Variants in MPPED1 observed in about 807,000 individuals in gnomAD.
The protein encoded by MPPED1 is metallophosphoesterase domain-containing protein 1.
A neutral mutation model predicts 36.2 loss-of-function variants in MPPED1; 16 were observed. The ratio of observed to expected loss-of-function variants is 0.44; its 90% CI spans 0.30 to 0.67. The LOEUF (loss-of-function observed/expected upper bound fraction) is 0.67, where lower values mean the gene tolerates loss of function less well. Among genes scored for constraint, MPPED1 ranks in the 30% least tolerant of loss-of-function variants. The probability of loss-of-function intolerance (pLI) is 0.10; values close to 1 mark genes in which losing one functional copy is unlikely to be tolerated. For synonymous variants in MPPED1, 199 were observed against 191.3 expected (o/e 1.04, Z -0.33); for missense variants, 307 against 453.4 (o/e 0.68, Z 2.93).
intron 1 of MPPED1, chr22:43,416,854 G>C: frequency 3.7e-6 from 1 of 269,364 alleles, no homozygotes; most frequent in Non-Finnish European, 5.7e-6. Flanking sequence ...ATATTTCTCT[G>C]CCCGAGCTTT....
rs186055763 is a variant in MPPED1, at chr22:43,489,223, C to T, written c.633-9012C>T. Among the ~76,000 whole-genome samples, 10 of 152,240 alleles carry T rather than the reference C, an allele frequency of 6.6e-5. No individual in the cohort carries two copies. In the East Asian group the frequency reaches 1.2e-3, roughly 18 times the overall value. On this transcript the variant is annotated intron_variant, in intron 4 of 6. Transcript: ENST00000443721. The stretch of plus-strand genomic sequence containing the variant: ...ATGTGGGGAGGACCTCTTCGCACTT[C>T]GCCTCCAGGAGGGGCTGCTTCTTTT...
chr22:43,477,158 G>T (rs556031419), intron 4 of MPPED1, among the ~76,000 whole-genome samples: 1 of 152,322 alleles, frequency 6.6e-6, no homozygotes, highest in East Asian at 1.9e-4. Flanking sequence ...GGCAGAGGAG[G>T]CAGAGGGAGA....
At chr22:43,431,388 A>G (rs994508215) in intron 2 of MPPED1, among the ~76,000 whole-genome samples, 1 of 151,918 alleles carries the variant, frequency 6.6e-6, no homozygotes, top group Non-Finnish European at 1.5e-5. Context: ...TTCACTTGCA[A>G]ACATAGTCAG....
chr22:43,498,437 G>A, intron 5 of MPPED1, 87 bp downstream of exon 5: 1 of 1,060,414 alleles, frequency 9.4e-7, no homozygotes, highest in Non-Finnish European at 1.4e-6. Context: ...GGCCTGTATA[G>A]GGGAGCCCTG....
At position 43,443,097 on chromosome 22, in the gene MPPED1, G is replaced by T. The variant is rs537383434; in HGVS notation, c.406+7882G>T. 4.1e-4 allele frequency among the ~76,000 whole-genome samples: 63 copies of T among 152,276 alleles called. 1 individual carries two copies. The highest frequency in any genetic ancestry group is 3.9e-3 in the Admixed American group (59 of 15,302). ...AGCAGAGTGAAGAGAATTGATCAAT[G>T]CACAGGGTAGGCTGGTGGTGACTGG... On this transcript the variant is annotated intron_variant, in intron 3 of 6. Transcript: ENST00000443721.
At chr22:43,499,686 A>G (rs368070011) in intron 5 of MPPED1, among the ~76,000 whole-genome samples, 947 of 51,768 alleles carry the variant, frequency 0.018, 22 homozygotes, top group Middle Eastern at 0.048. Flanking sequence ...GATGGTGGTG[A>G]TGGTGGTGGT....
intron 2 of MPPED1, among the ~76,000 whole-genome samples, chr22:43,429,265 C>T (rs1465812707): frequency 2.0e-5 from 3 of 152,130 alleles, no homozygotes; most frequent in African/African-American, 7.2e-5. Flanking sequence ...CTGTGTGGCT[C>T]CTTGGCCTTT....
chr22:43,440,414 G>A (rs1348616070), intron 3 of MPPED1, among the ~76,000 whole-genome samples: 1 of 152,160 alleles, frequency 6.6e-6, no homozygotes. Context: ...AGGCCAGGGT[G>A]CTGAGGGCAG....
chr22:43,419,431 G>A (rs756176520), intron 1 of MPPED1, among the ~76,000 whole-genome samples: 3 of 152,138 alleles, frequency 2.0e-5, no homozygotes, highest in Non-Finnish European at 4.4e-5. Context: ...GTTGGGTGCA[G>A]GGCCTTCTGG....
At chr22:43,425,287 G>C (rs982238415) in intron 2 of MPPED1, 78 bp downstream of exon 2, 1 of 1,460,522 alleles carries the variant, frequency 6.8e-7, no homozygotes, top group Non-Finnish European at 9.1e-7. Flanking sequence ...GTGCCTCCTG[G>C]TTCTGGGGGC....
intron 1 of MPPED1, among the ~76,000 whole-genome samples, chr22:43,414,014 G>A (rs1174751242): frequency 2.0e-5 from 3 of 152,138 alleles, no homozygotes; most frequent in Admixed American, 1.3e-4. Context: ...CCCGTGGTAC[G>A]CTTAGAATCA....
Position 43,435,088 on chromosome 22 carries a change from C to T in MPPED1, c.279C>T (p.Val93=). ...APKPPGYTRF[V]CVSDTHSRTD... is the part of the protein sequence containing the mutation. Reference sequence around the variant, plus strand: ...AACCTCCAGGCTACACCCGCTTCGTCTGCGTCTCTGATACCCACTCGAGGA... The same window carrying T: ...AACCTCCAGGCTACACCCGCTTCGTTTGCGTCTCTGATACCCACTCGAGGA... The change falls in exon 3 of 7, where the codon GTC becomes GTT. Residue 93 remains valine, a synonymous_variant. Transcript: ENST00000443721. The T allele has an allele frequency of 2.5e-6, 4 of 1,613,904 alleles. No individual in the cohort carries two copies. The highest frequency in any genetic ancestry group is 3.4e-6 in the Non-Finnish European group (4 of 1,179,896).
intron 3 of MPPED1, among the ~76,000 whole-genome samples, chr22:43,442,108 G>A (rs890118224): frequency 2.6e-5 from 4 of 151,744 alleles, no homozygotes; most frequent in Non-Finnish European, 2.9e-5. Flanking sequence ...CCCCCTCCAC[G>A]CCCCTCTCAT....
Position 43,473,200 on chromosome 22 carries a change from A to G in MPPED1, c.407-1536A>G, listed in dbSNP as rs565683192. On this transcript the variant is annotated intron_variant, in intron 3 of 6. Coordinates refer to ENST00000443721, the MANE Select transcript of MPPED1 (RefSeq NM_001044370.2). The stretch of plus-strand genomic sequence containing the variant: ...CTGGGCTGCTGTGTTGTCCCAGGGG[A>G]CAGACCACGGTGCCCGTGCTGCTGG... 9.5e-3 allele frequency among the ~76,000 whole-genome samples: 1,450 copies of G among 152,294 alleles called. 25 individuals carry two copies. The highest frequency in any genetic ancestry group is 0.034 in the African/African-American group (1,395 of 41,544).
rs1281449842 is a variant in MPPED1, at chr22:43,502,446, G to A, written c.749-198G>A. On this transcript the variant is annotated intron_variant, in intron 5 of 6. Transcript: ENST00000443721. This position sits in a 1 kb window ranked among gnomAD's most constrained non-coding sequence, Gnocchi z 5.5. Reference sequence around the variant, plus strand: ...CCCTATGGAGGAGGAGGGTGAGGCTGCAAGGTCCTGAATGGTTTCAGTCCC... The same window carrying A: ...CCCTATGGAGGAGGAGGGTGAGGCTACAAGGTCCTGAATGGTTTCAGTCCC... 1.3e-5 allele frequency among the ~76,000 whole-genome samples: 2 copies of A among 152,356 alleles called. No homozygotes were observed. Among genetic ancestry groups the A allele is most frequent in the African/African-American group, 4.8e-5 (2 of 41,584 alleles).
intron 3 of MPPED1, among the ~76,000 whole-genome samples, chr22:43,436,333 C>T (rs905899947): frequency 1.3e-5 from 2 of 152,164 alleles, no homozygotes; most frequent in Admixed American, 6.5e-5. Flanking sequence ...GTCCCTTCCG[C>T]CTCCCCAGGG....
At chr22:43,415,225 C>CAAAAAAAA (rs34357060) in intron 1 of MPPED1, among the ~76,000 whole-genome samples, 96 of 49,300 alleles carry the variant, frequency 1.9e-3, no homozygotes, top group Non-Finnish European at 2.4e-3. Context: ...ATGTCAAAAG[C>CAAAAAAAA]AAAAAAAAAA....
chr22:43,448,574 ATCTTTT>A (rs1930445125), intron 3 of MPPED1, among the ~76,000 whole-genome samples: 3 of 132,552 alleles, frequency 2.3e-5, no homozygotes, highest in African/African-American at 8.4e-5. Flanking sequence ...CTCTTTTAAA[ATCTTTT>A]TATTTATTTA....
chr22:43,466,732 G>A (rs1931185705), intron 3 of MPPED1, among the ~76,000 whole-genome samples: 3 of 152,272 alleles, frequency 2.0e-5, no homozygotes, highest in South Asian at 4.1e-4. Context: ...CAGACAGTTA[G>A]GGACAGCCCT....
Sources: allele counts gnomAD v4.1 joint callset (sites outside exome capture counted in the v4.1 genomes callset), GRCh38; gene constraint gnomAD v4.1.1; non-coding constraint Gnocchi (gnomAD v3.1); transcripts MANE v1.5; gene names NCBI Gene and HGNC (gene_info 2026-07-23, HGNC 2026-07-21).